KALRN: variants seen among roughly 807,000 people sequenced by gnomAD.
The protein encoded by KALRN is kalirin RhoGEF kinase.
A neutral mutation model predicts 353.7 loss-of-function variants in KALRN; 70 were observed. That is an observed-to-expected ratio of 0.20 (90% CI 0.16 to 0.24). KALRN has a LOEUF of 0.24. Ranked by LOEUF, KALRN falls within the 10% of genes least tolerant of loss-of-function variation. KALRN has a pLI of 1.00. For synonymous variants in KALRN, 1,391 were observed against 1,434.8 expected, an observed-to-expected ratio of 0.97 and a Z score of 0.69; for missense variants, 2,791 against 3,756.7, an observed-to-expected ratio of 0.74 and a Z score of 6.72.
At chr3:124,394,984 A>G (rs1576556349) in intron 11 of KALRN, 151 bp from the exon 12 acceptor site, 1 of 600,304 alleles carries the variant, frequency 1.7e-6, no homozygotes, top group Non-Finnish European at 3.0e-6. Flanking sequence ...ATATAAATGT[A>G]AAAACACAAA....
rs2093833574 is a variant in KALRN, at chr3:124,446,177, C to G, written c.3330C>G (p.Leu1110=). 6.2e-7 allele frequency: 1 copy of G among 1,613,624 alleles called. No individual in the cohort carries two copies. The highest frequency in any genetic ancestry group is 1.3e-5 in the African/African-American group (1 of 74,924). Residue 1110 remains leucine (L), a synonymous_variant, in exon 20 of 60, where the codon CTC becomes CTG. Coordinates refer to ENST00000682506, the MANE Select transcript of KALRN (RefSeq NM_001388419.1). ...TGCCCACAGCCATCCTGAGTGAGCT[C>G]CTGCAGAGGGAGAATCGCGTGCTGC... ...EQQVKAILSE[L]LQRENRVLHF...
chr3:124,650,821 G>A lies in KALRN; in HGVS notation c.5678G>A (p.Ser1893Asn), dbSNP rs2083329829. 1 of 1,613,642 alleles carries A rather than the reference G, an allele frequency of 6.2e-7. No homozygotes were observed. The highest frequency in any genetic ancestry group is 8.5e-7 in the Non-Finnish European group (1 of 1,179,548). ...CTCTCTTTTCAGAGTCTAGAAGGAA[G>A]CTCATACCGGGGGAGCTTGAAAGAC... is the stretch of plus-strand genomic sequence containing the variant. ...LVKNKLSLEG[S>N]SYRGSLKDPA... The change falls in exon 38 of 60, where the codon AGC (serine) becomes AAC (asparagine). Residue 1893 changes from serine to asparagine, a missense_variant. By Grantham distance (46) the Ser-to-Asn change is conservative. Around this residue, in one of 11 missense-constraint regions of KALRN, gnomAD observed 1,065 missense variants for 1,156.4 expected, o/e 0.92. Transcript: ENST00000682506.
intron 39 of KALRN, among the ~76,000 whole-genome samples, 178 bp downstream of exon 39, chr3:124,655,845 T>C (rs2083957767): frequency 6.6e-6 from 1 of 152,200 alleles, no homozygotes; most frequent in African/African-American, 2.4e-5. Context: ...CTTTTCCCCT[T>C]GAAATAAGAT....
intron 33 of KALRN, among the ~76,000 whole-genome samples, chr3:124,537,135 G>A (rs940296194): frequency 3.3e-5 from 5 of 152,088 alleles, no homozygotes; most frequent in South Asian, 4.1e-4. Flanking sequence ...TCCACCTCCC[G>A]GTTTCAGGCA....
chr3:124,653,292 A>G (rs2083621179), intron 38 of KALRN, among the ~76,000 whole-genome samples: 2 of 152,206 alleles, frequency 1.3e-5, no homozygotes. Context: ...TCATTTGTCC[A>G]GGAGAAGAAA....
intron 11 of KALRN, among the ~76,000 whole-genome samples, chr3:124,385,521 G>A (rs1359074755): frequency 3.3e-5 from 5 of 152,028 alleles, no homozygotes; most frequent in Non-Finnish European, 7.4e-5. Flanking sequence ...TTTTAACAGG[G>A]GATTTAATCT....
chr3:124,138,385 C>T (rs1253893272), intron 1 of KALRN, among the ~76,000 whole-genome samples: 1 of 152,166 alleles, frequency 6.6e-6, no homozygotes, highest in Non-Finnish European at 1.5e-5. Context: ...GTATCACCCA[C>T]CAGTATTTAT....
At chr3:124,343,929 C>A (rs569698738) in intron 9 of KALRN, among the ~76,000 whole-genome samples, 1 of 152,100 alleles carries the variant, frequency 6.6e-6, no homozygotes, top group Non-Finnish European at 1.5e-5. Context: ...AATAAATGTC[C>A]GAATATGTGA....
intron 1 of KALRN, among the ~76,000 whole-genome samples, chr3:124,213,034 A>G (rs917444174): frequency 1.3e-5 from 2 of 152,100 alleles, no homozygotes; most frequent in African/African-American, 2.4e-5. Flanking sequence ...ATAATCTGAC[A>G]TATAGTTTAA....
chr3:124,040,045 C>T (rs1398058272), intron 1 of KALRN, among the ~76,000 whole-genome samples: 1 of 152,144 alleles, frequency 6.6e-6, no homozygotes, highest in Non-Finnish European at 1.5e-5. Context: ...CCAGGTCCAC[C>T]TCTGTAAGAT....
At chr3:124,510,971 C>G (rs2065836636) in intron 33 of KALRN, among the ~76,000 whole-genome samples, 1 of 152,012 alleles carries the variant, frequency 6.6e-6, no homozygotes, top group Non-Finnish European at 1.5e-5. Context: ...TTCTGAGTAC[C>G]TACTAGGTGC....
chr3:124,150,544 A>C (rs946787655), intron 1 of KALRN, among the ~76,000 whole-genome samples: 9 of 152,156 alleles, frequency 5.9e-5, no homozygotes, highest in African/African-American at 2.2e-4. Context: ...CCCACCCCAC[A>C]ACAAATTCTC....
At position 124,326,047 on chromosome 3, in the gene KALRN, C is replaced by G. The variant is rs1232182380; in HGVS notation, c.1160C>G (p.Ala387Gly). 2 of 1,613,660 alleles carry G rather than the reference C, an allele frequency of 1.2e-6. No individual in the cohort carries two copies. Among genetic ancestry groups the G allele is most frequent in the Non-Finnish European group, 1.7e-6 (2 of 1,179,836 alleles). Residue 387 changes from alanine (A) to glycine (G), a missense_variant, in exon 7 of 60, where the codon GCC (alanine) becomes GGC (glycine). Physicochemically the swap from Ala to Gly is moderately conservative, Grantham distance 60 (BLOSUM62 0). This residue lies in a region of KALRN where 366 missense variants were observed against 489.2 expected (regional missense o/e 0.75). Transcript: ENST00000682506. ...ASRLSEAGHY[A>G]SQQIKQISTQ... ...CGCCTCTCTGAGGCCGGTCATTATG[C>G]CTCACAACAAATCAAGCAGATCTCC...
chr3:124,425,190 T>C (rs932920044), intron 15 of KALRN, among the ~76,000 whole-genome samples: 1 of 152,044 alleles, frequency 6.6e-6, no homozygotes, highest in Non-Finnish European at 1.5e-5. Context: ...TTAGAAGGAA[T>C]ATGTTCTAGT....
intron 45 of KALRN, among the ~76,000 whole-genome samples, chr3:124,665,891 T>C (rs1192631132): frequency 6.6e-6 from 1 of 152,192 alleles, no homozygotes; most frequent in Non-Finnish European, 1.5e-5. Context: ...ATTTCAGAAT[T>C]TCTCCATCCT....
At chr3:124,204,240 T>C (rs1210077205) in intron 1 of KALRN, among the ~76,000 whole-genome samples, 2 of 152,176 alleles carry the variant, frequency 1.3e-5, no homozygotes, top group African/African-American at 4.8e-5. Context: ...CATTATGCTT[T>C]TATGAGTCTG....
chr3:124,181,588 C>T (rs2073607557), intron 1 of KALRN, among the ~76,000 whole-genome samples: 1 of 152,102 alleles, frequency 6.6e-6, no homozygotes, highest in African/African-American at 2.4e-5. Flanking sequence ...AAATCCCTGG[C>T]ACCAATCTTG....
chr3:124,113,796 T>C (rs1238499598), intron 1 of KALRN, among the ~76,000 whole-genome samples: 1 of 152,208 alleles, frequency 6.6e-6, no homozygotes, highest in Non-Finnish European at 1.5e-5. Flanking sequence ...GATTAAGAGC[T>C]TGAGTGGCCC....
chr3:124,228,513 T>C (rs1560292156), intron 2 of KALRN, among the ~76,000 whole-genome samples: 5 of 152,350 alleles, frequency 3.3e-5, no homozygotes, highest in Non-Finnish European at 2.9e-5. Flanking sequence ...TTTGTTTTTT[T>C]CTGAATAATG....
Sources: allele counts gnomAD v4.1 joint callset (sites outside exome capture counted in the v4.1 genomes callset), GRCh38; gene constraint gnomAD v4.1.1; regional missense constraint gnomAD v4.1.1; transcripts MANE v1.5; gene names NCBI Gene and HGNC (gene_info 2026-07-23, HGNC 2026-07-21).